Variants in HIBCH observed in about 807,000 individuals in gnomAD.
HIBCH encodes the protein 3-hydroxyisobutyryl-CoA hydrolase.
In HIBCH, 50 loss-of-function variants were observed where a neutral mutation model predicts 58.2. The observed-to-expected ratio is 0.86, with a 90% confidence interval of 0.68 to 1.09. The LOEUF is 1.09. Among genes scored for constraint, HIBCH ranks in the 50% least tolerant of loss-of-function variants. HIBCH has a pLI of 0.00. For synonymous variants in HIBCH, 151 were observed against 146.9 expected (o/e 1.03, Z -0.20); for missense variants, 450 against 449.7 (o/e 1.00, Z -0.01).
rs1690397439 is a variant in HIBCH at position 190,206,607 on chromosome 2, T to C, written c.1046-1375A>G. On this transcript the variant is annotated intron_variant, in intron 13 of 13. Coordinates refer to ENST00000359678, the MANE Select transcript of HIBCH (RefSeq NM_014362.4). This position sits in a 1 kb window ranked among gnomAD's most constrained non-coding sequence, Gnocchi z 5.1. Reference sequence around the variant, plus strand: ...TGGGTATCCAGCTCCACTAAGATGGTCTTTTTTTCTTCTTCTATAACCACA... The same window carrying C: ...TGGGTATCCAGCTCCACTAAGATGGCCTTTTTTTCTTCTTCTATAACCACA... 6.6e-6 allele frequency among the ~76,000 whole-genome samples: 1 copy of C among 152,206 alleles called. No homozygotes were observed. The highest frequency in any genetic ancestry group is 2.1e-4 in the South Asian group (1 of 4,828).
rs138349144 is a variant in HIBCH at position 190,254,084 on chromosome 2, C to T, written c.518-1777G>A. On this transcript the variant is annotated intron_variant, in intron 7 of 13. Coordinates refer to ENST00000359678, the MANE Select transcript of HIBCH (RefSeq NM_014362.4). The surrounding 1 kb of genome is among the most constrained non-coding windows in gnomAD (Gnocchi z 5.0). ...CCTATATATACATTTTCCTTAACTC[C>T]TATGACTTTAAATAATATCTATATG... Among the ~76,000 whole-genome samples, 30 of 152,156 alleles carry T rather than the reference C, an allele frequency of 2.0e-4. No homozygotes were observed. The East Asian group carries it at 5.4e-3, about 27-fold the overall frequency.
chr2:190,290,837 C>T (rs908707155), intron 4 of HIBCH, among the ~76,000 whole-genome samples: 1 of 152,106 alleles, frequency 6.6e-6, no homozygotes, highest in Non-Finnish European at 1.5e-5. Flanking sequence ...CCTGGTGAAA[C>T]TCTGTCTCAA....
chr2:190,253,532 G>C (rs759671959), intron 7 of HIBCH, among the ~76,000 whole-genome samples: 3 of 151,852 alleles, frequency 2.0e-5, no homozygotes, highest in Non-Finnish European at 2.9e-5. Flanking sequence ...CTCAATAAAG[G>C]GTGCACGTAT....
At chr2:190,200,857 AG>A (rs899041065), downstream of HIBCH, 3 of 167,106 alleles carry the variant, frequency 1.8e-5, no homozygotes, top group Admixed American at 6.5e-5. Context: ...TAACTATACA[AG>A]AAAACAAGTA....
intron 2 of HIBCH, among the ~76,000 whole-genome samples, chr2:190,308,540 A>ATTATGGGAG (rs1167537011): frequency 2.0e-5 from 3 of 152,158 alleles, no homozygotes; most frequent in Non-Finnish European, 4.4e-5. Flanking sequence ...CTGTAGGTTT[A>ATTATGGGAG]TAAGAGGAAG....
chr2:190,265,289 C>T (rs549943865), intron 6 of HIBCH, among the ~76,000 whole-genome samples: 42 of 149,068 alleles, frequency 2.8e-4, no homozygotes, highest in Admixed American at 4.0e-4. Context: ...ACATTTTAGC[C>T]ATTCTAATGA....
intron 7 of HIBCH, 54 bp from the exon 8 acceptor site, chr2:190,252,361 A>C: frequency 6.8e-7 from 1 of 1,476,724 alleles, no homozygotes; most frequent in Non-Finnish European, 9.4e-7. Context: ...AAAAAGATAA[A>C]TATAACCTTT....
intron 11 of HIBCH, among the ~76,000 whole-genome samples, chr2:190,224,283 C>G (rs1385368617): frequency 6.6e-6 from 1 of 152,154 alleles, no homozygotes; most frequent in Non-Finnish European, 1.5e-5. Flanking sequence ...GAGCCCACCG[C>G]AGATCAAGGA....
intron 4 of HIBCH, among the ~76,000 whole-genome samples, chr2:190,294,171 T>C (rs1688045012): frequency 6.6e-6 from 1 of 151,526 alleles, no homozygotes; most frequent in Non-Finnish European, 1.5e-5. Flanking sequence ...ATTTGAAGAA[T>C]GGCAAGTCAA....
At chr2:190,194,600 T>C (rs1262998692) in intron 1 of HIBCH, among the ~76,000 whole-genome samples, 1 of 152,102 alleles carries the variant, frequency 6.6e-6, no homozygotes, top group Non-Finnish European at 1.5e-5. Context: ...GTACAACCTA[T>C]GGTTTTTGAC....
At chr2:190,241,272 A>G (rs1331106269) in intron 11 of HIBCH, among the ~76,000 whole-genome samples, 2 of 152,196 alleles carry the variant, frequency 1.3e-5, no homozygotes, top group African/African-American at 4.8e-5. Flanking sequence ...CTGTTTTATC[A>G]GAAACTAGGA....
At chr2:190,294,016 T>TTGTG (rs374416471) in intron 4 of HIBCH, among the ~76,000 whole-genome samples, 13 of 83,004 alleles carry the variant, frequency 1.6e-4, no homozygotes, top group South Asian at 8.6e-4. Flanking sequence ...AATATATATT[T>TTGTG]TGTGTGTATA....
Position 190,251,591 on chromosome 2 carries a change from T to C in HIBCH, c.663+571A>G, listed in dbSNP as rs186097541. ...CGGGAAAATGGGGGGCAAAAGAGGC[T>C]AAGTTCCAATTAAGACTTAAACTCA... On this transcript the variant is annotated intron_variant, in intron 8 of 13. Transcript: ENST00000359678. 4.1e-5 allele frequency: 18 copies of C among 435,078 alleles called. No individual in the cohort carries two copies. In the East Asian group the frequency reaches 1.5e-3, roughly 35 times the overall value. The allele number at this position is 435,078 out of a possible 1,614,324, so 27.0% of individuals were successfully genotyped here. A position where few individuals can be genotyped will look rare whatever the true frequency, so the allele number is the denominator to read the frequency against.
chr2:190,250,767 G>A (rs1278587630), intron 8 of HIBCH, among the ~76,000 whole-genome samples: 1 of 152,108 alleles, frequency 6.6e-6, no homozygotes, highest in African/African-American at 2.4e-5. Flanking sequence ...AATTTTGTAT[G>A]CTTCATACAT....
In HIBCH at chr2:190,210,421, C is replaced by G. The variant is rs1347500486; in HGVS notation, c.1012-1508G>C. On this transcript the variant is annotated intron_variant, in intron 12 of 13. Transcript: ENST00000359678. The surrounding 1 kb of genome is among the most constrained non-coding windows in gnomAD (Gnocchi z 5.5). Reference sequence around the variant, plus strand: ...CTTTTTTTCCTTCCTACTGCTCTTTCTCTACCACACCTCAAAATGTTAGAG... The same window carrying G: ...CTTTTTTTCCTTCCTACTGCTCTTTGTCTACCACACCTCAAAATGTTAGAG... 6.6e-6 allele frequency among the ~76,000 whole-genome samples: 1 copy of G among 152,190 alleles called. No individual in the cohort carries two copies. The highest frequency in any genetic ancestry group is 1.9e-4 in the East Asian group (1 of 5,202).
chr2:190,221,155 A>T (rs1007663299), intron 11 of HIBCH, among the ~76,000 whole-genome samples: 6 of 152,210 alleles, frequency 3.9e-5, no homozygotes, highest in African/African-American at 1.4e-4. Flanking sequence ...TGGTTCAGAG[A>T]TTTCATAAAA....
chr2:190,309,792 C>T (rs1335930184), intron 2 of HIBCH, among the ~76,000 whole-genome samples: 2 of 151,994 alleles, frequency 1.3e-5, no homozygotes, highest in Non-Finnish European at 2.9e-5. Flanking sequence ...ATCTCCTGAC[C>T]TCATGATCCA....
intron 13 of HIBCH, chr2:190,208,546 T>C: frequency 2.8e-6 from 1 of 354,764 alleles, no homozygotes; most frequent in Admixed American, 4.5e-5. Flanking sequence ...GATGGTAACA[T>C]ATTCTTTAAA....
chr2:190,319,613 C>G (rs1688794971), intron 1 of HIBCH, 103 bp downstream of exon 1: 4 of 1,008,220 alleles, frequency 4.0e-6, no homozygotes. Flanking sequence ...CCTCTGAGCG[C>G]GACTCGAAAC....
Sources: allele counts gnomAD v4.1 joint callset (sites outside exome capture counted in the v4.1 genomes callset), GRCh38; gene constraint gnomAD v4.1.1; non-coding constraint Gnocchi (gnomAD v3.1); transcripts MANE v1.5; gene names NCBI Gene and HGNC (gene_info 2026-07-23, HGNC 2026-07-21).